SLC17A9: variants seen among roughly 807,000 people sequenced by gnomAD.
SLC17A9 encodes the protein solute carrier family 17 member 9.
SLC17A9 carries 49 observed loss-of-function variants against 55.0 expected under a neutral mutation model. The ratio of observed to expected loss-of-function variants is 0.89; its 90% CI spans 0.71 to 1.13. SLC17A9 has a LOEUF of 1.13. Ranked by LOEUF, SLC17A9 falls within the 50% of genes most tolerant of loss-of-function variation. The probability of loss-of-function intolerance (pLI) is 0.00; values close to 1 mark genes in which losing one functional copy is unlikely to be tolerated. For synonymous variants in SLC17A9, 256 were observed against 247.4 expected (o/e 1.03, Z -0.32); for missense variants, 526 against 569.3 (o/e 0.92, Z 0.77).
At position 62,958,095 on chromosome 20, in the gene SLC17A9, G is replaced by A. The variant is rs1015345247; in HGVS notation, c.397+515G>A. On this transcript the variant is annotated intron_variant, in intron 3 of 12. Coordinates refer to ENST00000370351, the MANE Select transcript of SLC17A9 (RefSeq NM_022082.4). The surrounding 1 kb of genome is among the most constrained non-coding windows in gnomAD (Gnocchi z 4.1). ...CATGTGTATGTGTGTGTGCGTTCCTGTATCCATGTGTATGTGCGTATGCGT... is the reference window on the plus strand; with the variant it reads ...CATGTGTATGTGTGTGTGCGTTCCTATATCCATGTGTATGTGCGTATGCGT... Among the ~76,000 whole-genome samples, 1 of 152,170 alleles carries A rather than the reference G, an allele frequency of 6.6e-6. No homozygotes were observed. The highest frequency in any genetic ancestry group is 2.4e-5 in the African/African-American group (1 of 41,432).
chr20:62,957,551 T>C lies in SLC17A9; in HGVS notation c.368T>C (p.Phe123Ser), dbSNP rs1283808937. Residue 123 changes from phenylalanine (F) to serine (S), a missense_variant, in exon 3 of 13, where the codon TTC becomes TCC. By Grantham distance (155) the Phe-to-Ser change is radical. Transcript: ENST00000370351. The part of the protein sequence containing the change: ...LSSAHLAFMT[F>S]SRILMGLLQG... Reference sequence around the variant, plus strand: ...AGTGCCCACCTGGCCTTCATGACCTTCTCACGCATCCTCATGGGCTTGCTC... The same window carrying C: ...AGTGCCCACCTGGCCTTCATGACCTCCTCACGCATCCTCATGGGCTTGCTC... 3.8e-6 allele frequency: 6 copies of C among 1,591,138 alleles called. No homozygotes were observed. Among genetic ancestry groups the C allele is most frequent in the Non-Finnish European group, 5.1e-6 (6 of 1,170,374 alleles).
At chr20:62,964,343 G>A (rs907929211) in intron 8 of SLC17A9, 28 bp downstream of exon 8, 4 of 1,608,106 alleles carry the variant, frequency 2.5e-6, no homozygotes, top group Non-Finnish European at 3.4e-6. Context: ...GACCGGGGCT[G>A]GAAGCCACAC....
chr20:62,952,981 G>C, intron 1 of SLC17A9, 92 bp downstream of exon 1: 1 of 1,367,744 alleles, frequency 7.3e-7, no homozygotes, highest in Non-Finnish European at 9.8e-7. Context: ...ACGATGCTAG[G>C]TGGGGAGGGC....
At chr20:62,953,006 T>A in intron 1 of SLC17A9, 117 bp downstream of exon 1, 1 of 1,290,338 alleles carries the variant, frequency 7.7e-7, no homozygotes, top group Non-Finnish European at 1.1e-6. Flanking sequence ...CTGGGCGGGC[T>A]CCTCTGGCTG....
chr20:62,957,897 G>T (rs537803911), intron 3 of SLC17A9, among the ~76,000 whole-genome samples: 3 of 152,078 alleles, frequency 2.0e-5, no homozygotes, highest in Admixed American at 6.5e-5. Context: ...GCGTGCATGC[G>T]TGCACCTGTG....
At chr20:62,959,545 G>T (rs1311555755) in intron 3 of SLC17A9, among the ~76,000 whole-genome samples, 4 of 152,216 alleles carry the variant, frequency 2.6e-5, no homozygotes, top group African/African-American at 9.6e-5. Flanking sequence ...GAGCAGAGAC[G>T]CCAGGTGTCC....
intron 1 of SLC17A9, among the ~76,000 whole-genome samples, chr20:62,954,095 TCCCAGGC>T (rs778090633): frequency 0.12 from 18,315 of 151,856 alleles, 1,472 homozygotes; most frequent in Middle Eastern, 0.26. Flanking sequence ...ACTACGTCCC[TCCCAGGC>T]TCGATGTTTA....
In SLC17A9 at chr20:62,967,423, A is replaced by G. The variant is rs1192729900; in HGVS notation, c.1234A>G (p.Asn412Asp). 6.2e-7 allele frequency: 1 copy of G among 1,614,204 alleles called. No homozygotes were observed. Among genetic ancestry groups the G allele is most frequent in the Non-Finnish European group, 8.5e-7 (1 of 1,180,030 alleles). ...GTTCAACCTTGTGGCCATCATCAGCAACCTGGGGCTGTGCACCTTCCTGGT... is the reference window on the plus strand; with the variant it reads ...GTTCAACCTTGTGGCCATCATCAGCGACCTGGGGCTGTGCACCTTCCTGGT... The part of the protein sequence containing the change: ...CLFNLVAIIS[N>D]LGLCTFLVFG... The change falls in exon 13 of 13, where the codon AAC becomes GAC. Residue 412 changes from asparagine to aspartate, a missense_variant. Coordinates refer to ENST00000370351, the MANE Select transcript of SLC17A9 (RefSeq NM_022082.4).
chr20:62,968,700 G>A lies in SLC17A9; in HGVS notation c.*1200G>A, dbSNP rs1349728284. On this transcript the variant is annotated 3_prime_UTR_variant, in exon 13 of 13. Transcript: ENST00000370351. ...GAAACGAGTGACACGTTGGAATCAG[G>A]TCAAAGGAGAATCCCAGGAACGGAC... 6.6e-6 allele frequency: 1 copy of A among 152,142 alleles called. No individual in the cohort carries two copies. The highest frequency in any genetic ancestry group is 1.9e-4 in the East Asian group (1 of 5,196). The allele number at this position is 152,142 out of a possible 1,614,324, so 9.4% of individuals were successfully genotyped here.
chr20:62,961,501 G>A (rs1008039565), intron 4 of SLC17A9, among the ~76,000 whole-genome samples: 11 of 152,188 alleles, frequency 7.2e-5, no homozygotes, highest in Non-Finnish European at 1.0e-4. Context: ...CAGGCCAGGG[G>A]TGGGAGGCCT....
At chr20:62,953,293 C>G (rs1287982857) in intron 1 of SLC17A9, 15 of 1,545,664 alleles carry the variant, frequency 9.7e-6, no homozygotes, top group Non-Finnish European at 1.2e-5. Flanking sequence ...CGGGCTGGAG[C>G]CTGCAGCTGG....
Position 62,962,498 on chromosome 20 carries a change from T to C in SLC17A9, c.498-126T>C. On this transcript the variant is annotated intron_variant, in intron 4 of 12. Transcript: ENST00000370351. The surrounding 1 kb of genome is among the most constrained non-coding windows in gnomAD (Gnocchi z 5.5). ...GACGGTGGCTTCTGAGCTGCTCCTCTGGAGGCGATGAAAACACCCTCTTCT... is the reference window on the plus strand; with the variant it reads ...GACGGTGGCTTCTGAGCTGCTCCTCCGGAGGCGATGAAAACACCCTCTTCT... 7.9e-7 allele frequency: 1 copy of C among 1,268,010 alleles called. No individual in the cohort carries two copies. The allele number at this position is 1,268,010 out of a possible 1,614,324, so 78.5% of individuals were successfully genotyped here.
rs1420763628 is a variant in SLC17A9 at position 62,963,264 on chromosome 20, C to T, written c.629-9C>T. 2 of 1,612,988 alleles carry T rather than the reference C, an allele frequency of 1.2e-6. No homozygotes were observed. The highest frequency in any genetic ancestry group is 1.1e-5 in the South Asian group (1 of 91,076). On this transcript the variant is annotated splice_polypyrimidine_tract_variant and intron_variant, in intron 5 of 12. Coordinates refer to ENST00000370351, the MANE Select transcript of SLC17A9 (RefSeq NM_022082.4). ...GATAGCCATCAGTTTGAAACCGTTG[C>T]TCCCTCAGATCTCATCCTGGCCTTG...
At position 62,952,793 on chromosome 20, in the gene SLC17A9, C is replaced by T; in HGVS notation, c.-38C>T. The T allele has an allele frequency of 6.5e-7, 1 of 1,532,234 alleles. No individual in the cohort carries two copies. The highest frequency in any genetic ancestry group is 1.2e-5 in the South Asian group (1 of 83,502). The allele number at this position is 1,532,234 out of a possible 1,614,324, so 94.9% of individuals were successfully genotyped here. A position where few individuals can be genotyped will look rare whatever the true frequency, so the allele number is the denominator to read the frequency against. On this transcript the variant is annotated 5_prime_UTR_variant, in exon 1 of 13. Transcript: ENST00000370351. ...CCTGGGCTGGGAGGCAGCCCCGGGA[C>T]ACAGCTGTGCCCACGCCGTCTGAGC...
At chr20:62,953,270 C>A in intron 1 of SLC17A9, 1 of 1,549,746 alleles carries the variant, frequency 6.5e-7, no homozygotes, top group South Asian at 1.2e-5. Flanking sequence ...GTCAGGAGGC[C>A]AGGTAGGGGG....
In SLC17A9 at chr20:62,953,100, C is replaced by T. The variant is rs2065505043; in HGVS notation, c.59+211C>T. 8 of 1,356,330 alleles carry T rather than the reference C, an allele frequency of 5.9e-6. No homozygotes were observed. In the South Asian group the frequency reaches 8.8e-5, roughly 15 times the overall value. 84.0% of individuals were successfully genotyped at this position (1,356,330 alleles called of 1,614,324 possible). A position where few individuals can be genotyped will look rare whatever the true frequency, so the allele number is the denominator to read the frequency against. ...CCTGCCATGAGATTCCAGGACCGGA[C>T]CTGGCAAGTGCCCTATCCCAGCCAG... On this transcript the variant is annotated intron_variant, in intron 1 of 12. Transcript: ENST00000370351.
At position 62,952,839 on chromosome 20, in the gene SLC17A9, AC is replaced by A. The variant is rs1284902951; in HGVS notation, c.14del (p.Pro5GlnfsTer47). 2.4e-6 allele frequency: 3 copies of A among 1,267,822 alleles called. No individual in the cohort carries two copies. Among genetic ancestry groups the A allele is most frequent in the African/African-American group, 1.8e-5 (1 of 56,274 alleles). The allele number at this position is 1,267,822 out of a possible 1,614,324, so 78.5% of individuals were successfully genotyped here. A position where few individuals can be genotyped will look rare whatever the true frequency, so the allele number is the denominator to read the frequency against. On this transcript the variant is annotated frameshift_variant, in exon 1 of 13. Transcript: ENST00000370351. LOFTEE classifies it high-confidence loss of function. MQP[P>X]PDEARRDMAG... is the part of the protein sequence containing the mutation. ...TGAGCACCCCAAGCCCGATGCAGCC[AC>A]CCCCAGACGAGGCCCGCAGGGACAT...
intron 8 of SLC17A9, 92 bp from the exon 9 acceptor site, chr20:62,965,040 C>A: frequency 1.4e-6 from 2 of 1,465,334 alleles, no homozygotes; most frequent in Non-Finnish European, 1.9e-6. Flanking sequence ...TCCTCCCCTG[C>A]TGCCCCTCTG....
Position 62,957,526 on chromosome 20 carries a change from A to G in SLC17A9, c.343A>G (p.Ser115Gly). ...AVTPLLAHLS[S>G]AHLAFMTFSR... is the part of the protein sequence containing the mutation. ...CACCCCACTGCTCGCCCACCTGAGC[A>G]GTGCCCACCTGGCCTTCATGACCTT... Residue 115 changes from serine (S) to glycine (G), a missense_variant, in exon 3 of 13, where the codon AGT becomes GGT. Transcript: ENST00000370351. 6.2e-7 allele frequency: 1 copy of G among 1,608,162 alleles called. No homozygotes were observed. Among genetic ancestry groups the G allele is most frequent in the Non-Finnish European group, 8.5e-7 (1 of 1,177,874 alleles).
Sources: gnomAD v4.1 joint callset for allele counts (sites outside exome capture counted in the v4.1 genomes callset) on GRCh38, gnomAD v4.1.1 for gene constraint, Gnocchi (gnomAD v3.1) non-coding constraint, MANE v1.5 for transcripts, NCBI Gene and HGNC (gene_info 2026-07-23, HGNC 2026-07-21) for gene names.